Variants in FCRL5 observed in about 807,000 individuals in gnomAD.
The protein encoded by FCRL5 is Fc receptor like 5.
Under a neutral mutation model 92.1 loss-of-function variants are expected in FCRL5, and 79 were observed. The ratio of observed to expected loss-of-function variants is 0.86; its 90% CI spans 0.72 to 1.03. The LOEUF (loss-of-function observed/expected upper bound fraction) is 1.03. Among genes scored for constraint, FCRL5 ranks in the 50% least tolerant of loss-of-function variants. The probability of loss-of-function intolerance (pLI) is 0.00; values close to 1 mark genes in which losing one functional copy is unlikely to be tolerated. For missense variants in FCRL5, 1,160 were observed against 1,181.1 expected (o/e 0.98, Z 0.26); for synonymous variants, 466 against 469.3 (o/e 0.99, Z 0.09).
In FCRL5 at chr1:157,544,312, A is replaced by T; in HGVS notation, c.794T>A (p.Met265Lys). ...GCTGTCAGATATGACGCTGTAAGGC[A>T]TTGTTGCTGCCTTACACCAGTAGAA... ...SGFYWCKAAT[M>K]PYSVISDSPR... Residue 265 changes from methionine to lysine, a missense_variant, in exon 5 of 17, where the codon ATG (methionine) becomes AAG (lysine). Physicochemically the swap from Met to Lys is moderately conservative, Grantham distance 95. Transcript: ENST00000361835. The T allele has an allele frequency of 6.2e-7, 1 of 1,614,156 alleles. No homozygotes were observed. The highest frequency in any genetic ancestry group is 8.5e-7 in the Non-Finnish European group (1 of 1,180,010).
chr1:157,516,505 T>A (rs1462301981), intron 15 of FCRL5, among the ~76,000 whole-genome samples: 1 of 152,234 alleles, frequency 6.6e-6, no homozygotes. Context: ...TTCAATACAT[T>A]TTCTCTCTCT....
At chr1:157,531,634 A>G (rs1178467699) in intron 8 of FCRL5, among the ~76,000 whole-genome samples, 1 of 152,228 alleles carries the variant, frequency 6.6e-6, no homozygotes, top group African/African-American at 2.4e-5. Context: ...AATAGTATTC[A>G]GCCATAAAAA....
intron 13 of FCRL5, chr1:157,519,020 T>A (rs12141689): frequency 0.07 from 25,198 of 359,930 alleles, 4,131 homozygotes; most frequent in African/African-American, 0.41. Context: ...CAGCAATACG[T>A]TGTTAGTTCT....
At position 157,521,168 on chromosome 1, in the gene FCRL5, A is replaced by T; in HGVS notation, c.2364T>A (p.His788Gln). ...GSPLILYRFFHEDVTLGNRSS... is the reference protein window; with the variant it reads ...GSPLILYRFFQEDVTLGNRSS... ...ACCTATTTCCTAGGGTGACATCCTC[A>T]TGAAAAAACCGGTACAGGATCAGGG... The change falls in exon 11 of 17, where the codon CAT (histidine) becomes CAA (glutamine). Residue 788 changes from histidine (H) to glutamine (Q), a missense_variant. Physicochemically the swap from His to Gln is conservative, Grantham distance 24 (BLOSUM62 0). Transcript: ENST00000361835. 1 of 1,614,186 alleles carries T rather than the reference A, an allele frequency of 6.2e-7. No homozygotes were observed.
chr1:157,522,128 A>G (rs1207759705), intron 10 of FCRL5: 1 of 152,238 alleles, frequency 6.6e-6, no homozygotes, highest in African/African-American at 2.4e-5. Context: ...AGGTTTGTAG[A>G]TTATTTCTAG....
chr1:157,537,931 A>G (rs557339902), intron 7 of FCRL5, among the ~76,000 whole-genome samples: 2 of 152,276 alleles, frequency 1.3e-5, no homozygotes, highest in African/African-American at 4.8e-5. Context: ...ACTTAGGTTG[A>G]TGTTTTCTCT....
In FCRL5 at chr1:157,515,734, C is replaced by A; in HGVS notation, c.2875G>T (p.Val959Leu). Reference protein sequence around the residue: ...GSPIIYSEVKVASTPVSGSLF... With the variant: ...GSPIIYSEVKLASTPVSGSLF... ...GATCCGGAAACCGGGGTTGACGCCA[C>A]CTTAACTTCAGAGTAGATGATAGGG... Residue 959 changes from valine (V) to leucine (L), a missense_variant, in exon 17 of 17, where the codon GTG becomes TTG. Physicochemically the swap from Val to Leu is conservative, Grantham distance 32 (BLOSUM62 1). Transcript: ENST00000361835. The A allele has an allele frequency of 6.2e-7, 1 of 1,614,118 alleles. No homozygotes were observed.
chr1:157,550,263 G>A (rs993705814), intron 1 of FCRL5, among the ~76,000 whole-genome samples: 2 of 152,142 alleles, frequency 1.3e-5, no homozygotes, highest in Non-Finnish European at 2.9e-5. Context: ...TGGTTTCAAG[G>A]AGGAGATTGA....
chr1:157,535,277 G>A (rs1275191613), intron 7 of FCRL5, among the ~76,000 whole-genome samples: 1 of 152,228 alleles, frequency 6.6e-6, no homozygotes, highest in Non-Finnish European at 1.5e-5. Flanking sequence ...TGCCTGGCCT[G>A]CCCAAGGGGG....
At chr1:157,552,226 G>A (rs7552348) in intron 1 of FCRL5, 106 bp downstream of exon 1, 230,816 of 1,099,942 alleles carry the variant, frequency 0.21, 25,640 homozygotes, top group African/African-American at 0.33. Flanking sequence ...TAATGTAGGA[G>A]AGAGTCTCTC....
chr1:157,530,656 C>T (rs1246532703), intron 8 of FCRL5, among the ~76,000 whole-genome samples: 1 of 152,184 alleles, frequency 6.6e-6, no homozygotes, highest in African/African-American at 2.4e-5. Flanking sequence ...CACCATGCCC[C>T]ACTTACCTGA....
Position 157,518,474 on chromosome 1 carries a change from C to G in FCRL5, c.2767G>C (p.Val923Leu). 1 of 1,614,142 alleles carries G rather than the reference C, an allele frequency of 6.2e-7. No individual in the cohort carries two copies. Among genetic ancestry groups the G allele is most frequent in the South Asian group, 1.1e-5 (1 of 91,074 alleles). The change falls in exon 15 of 17, where the codon GTT (valine) becomes CTT (leucine). Residue 923 changes from valine to leucine, a missense_variant. Transcript: ENST00000361835. Reference protein sequence around the residue: ...TNANPRGENVVYSEVRIIQEK... With the variant: ...TNANPRGENVLYSEVRIIQEK... ...TGGATGATCCGTACTTCTGAGTAAACCACATTTTCTCCTCTAGGATTTGCT... is the reference window on the plus strand; with the variant it reads ...TGGATGATCCGTACTTCTGAGTAAAGCACATTTTCTCCTCTAGGATTTGCT...
In FCRL5 at chr1:157,539,127, A is replaced by G; in HGVS notation, c.1361T>C (p.Phe454Ser). 6.2e-7 allele frequency: 1 copy of G among 1,614,172 alleles called. No individual in the cohort carries two copies. Among genetic ancestry groups the G allele is most frequent in the Non-Finnish European group, 8.5e-7 (1 of 1,180,018 alleles). ...CACCGCCTTACTGCGCTGGGGGCCAAAGCCATTGTCAGCTGTGCAGTAGTA... is the reference window on the plus strand; with the variant it reads ...CACCGCCTTACTGCGCTGGGGGCCAGAGCCATTGTCAGCTGTGCAGTAGTA... ...GNYYCTADNG[F>S]GPQRSKAVSL... The change falls in exon 7 of 17, where the codon TTT becomes TCT. Residue 454 changes from phenylalanine to serine, a missense_variant. Coordinates refer to ENST00000361835, the MANE Select transcript of FCRL5 (RefSeq NM_031281.3).
intron 14 of FCRL5, 85 bp downstream of exon 14, chr1:157,518,615 G>T: frequency 6.9e-7 from 1 of 1,458,608 alleles, no homozygotes; most frequent in Non-Finnish European, 9.5e-7. Flanking sequence ...CTAGGCCTCG[G>T]CATAGTCCCT....
At chr1:157,534,984 A>G in intron 7 of FCRL5, 92 bp from the exon 8 acceptor site, 1 of 1,265,354 alleles carries the variant, frequency 7.9e-7, no homozygotes, top group East Asian at 2.4e-5. Context: ...TCTCCAGTAC[A>G]GGATCTCTAG....
chr1:157,518,533 G>A, intron 14 of FCRL5, 36 bp from the exon 15 acceptor site: 3 of 1,577,708 alleles, frequency 1.9e-6, no homozygotes, highest in Non-Finnish European at 2.6e-6. Flanking sequence ...GGATGCTGAG[G>A]TTCTTGCCTC....
chr1:157,544,454 C>T lies in FCRL5; in HGVS notation c.652G>A (p.Glu218Lys). The change falls in exon 5 of 17, where the codon GAG (glutamate) becomes AAG (lysine). Residue 218 changes from glutamate (E) to lysine (K), a missense_variant. Glu to Lys is a moderately conservative substitution (Grantham distance 56). Coordinates refer to ENST00000361835, the MANE Select transcript of FCRL5 (RefSeq NM_031281.3). ...TLTCETQLSL[E>K]RSDVPLRFRF... The stretch of plus-strand genomic sequence containing the variant: ...AACCGGAGCGGGACATCTGACCTCT[C>T]TAGAGAGAGCTGGGTCTCACAGGTC... 6.2e-7 allele frequency: 1 copy of T among 1,614,220 alleles called. No homozygotes were observed. Among genetic ancestry groups the T allele is most frequent in the Non-Finnish European group, 8.5e-7 (1 of 1,180,038 alleles).
Position 157,524,335 on chromosome 1 carries a change from T to C in FCRL5, c.2183A>G (p.Glu728Gly). 6.2e-7 allele frequency: 1 copy of C among 1,614,258 alleles called. No homozygotes were observed. The highest frequency in any genetic ancestry group is 8.5e-7 in the Non-Finnish European group (1 of 1,180,036). ...TTEHSGIYSC[E>G]ADNGLEAQRS... ...CTGGGCCTCCAGACCATTGTCTGCC[T>C]CACAGGAGTAGATTCCAGAATGTTC... Residue 728 changes from glutamate (E) to glycine (G), a missense_variant, in exon 10 of 17, where the codon GAG becomes GGG. By Grantham distance (98) the Glu-to-Gly change is moderately conservative. Transcript: ENST00000361835.
intron 15 of FCRL5, among the ~76,000 whole-genome samples, chr1:157,517,420 G>C (rs1186394545): frequency 2.6e-5 from 4 of 152,174 alleles, no homozygotes; most frequent in Admixed American, 1.3e-4. Flanking sequence ...ATGTGATTAG[G>C]ATTACAGACC....
Sources: gnomAD v4.1 joint callset for allele counts (sites outside exome capture counted in the v4.1 genomes callset) on GRCh38, gnomAD v4.1.1 for gene constraint, MANE v1.5 for transcripts, NCBI Gene and HGNC (gene_info 2026-07-23, HGNC 2026-07-21) for gene names.